Variants in CFAP299 observed in about 807,000 individuals in gnomAD.
CFAP299 encodes cilia- and flagella-associated protein 299.
A neutral mutation model predicts 27.0 loss-of-function variants in CFAP299; 21 were observed. The observed-to-expected ratio is 0.78, with a 90% confidence interval of 0.55 to 1.12. The LOEUF is 1.12. Among genes scored for constraint, CFAP299 ranks in the 50% most tolerant of loss-of-function variants. The probability of loss-of-function intolerance (pLI) is 0.00; values close to 1 mark genes in which losing one functional copy is unlikely to be tolerated. For missense variants in CFAP299, 310 were observed against 276.6 expected (o/e 1.12, Z -0.86); for synonymous variants, 104 against 98.1 (o/e 1.06, Z -0.36).
chr4:80,940,704 G>A (rs79101332), intron 4 of CFAP299, among the ~76,000 whole-genome samples: 6,731 of 152,072 alleles, frequency 0.044, 539 homozygotes, highest in African/African-American at 0.15. Context: ...AGTTACCTTC[G>A]TGAGTTTTTT....
intron 3 of CFAP299, among the ~76,000 whole-genome samples, chr4:80,800,644 T>C (rs1169449875): frequency 3.1e-5 from 3 of 97,558 alleles, no homozygotes; most frequent in African/African-American, 1.4e-4. Context: ...ATATATAATA[T>C]ATTAATATAT....
chr4:80,510,089 C>T (rs1420722943), intron 2 of CFAP299, among the ~76,000 whole-genome samples: 4 of 152,128 alleles, frequency 2.6e-5, no homozygotes, highest in Non-Finnish European at 4.4e-5. Context: ...CCTGACATTT[C>T]CATTTTGCAC....
intron 4 of CFAP299, among the ~76,000 whole-genome samples, chr4:80,877,000 T>G (rs1415832238): frequency 6.6e-6 from 1 of 152,178 alleles, no homozygotes; most frequent in Non-Finnish European, 1.5e-5. Flanking sequence ...AGGCTTTCAT[T>G]TTCAGTCACT....
rs145004901 is a variant in CFAP299, at chr4:80,576,023, C to T, written c.243-7070C>T. Among the ~76,000 whole-genome samples, 1,255 of 147,628 alleles carry T rather than the reference C, an allele frequency of 8.5e-3. 24 individuals are homozygous for T. The highest frequency in any genetic ancestry group is 0.03 in the African/African-American group (1,188 of 40,004). On this transcript the variant is annotated intron_variant, in intron 2 of 5. Coordinates refer to ENST00000358105, the MANE Select transcript of CFAP299 (RefSeq NM_152770.3). ...ACACAGGAAGGGGAACATCACAAAC[C>T]GGGGCCTGTTGTGGGGTAGGGGGAT...
chr4:80,917,672 G>A (rs1560476156), intron 4 of CFAP299, among the ~76,000 whole-genome samples: 2 of 152,030 alleles, frequency 1.3e-5, no homozygotes, highest in East Asian at 1.9e-4. Flanking sequence ...CCTTTCCATG[G>A]CACATTTCCC....
intron 3 of CFAP299, among the ~76,000 whole-genome samples, chr4:80,622,060 C>T (rs1462981084): frequency 1.3e-5 from 2 of 152,170 alleles, no homozygotes; most frequent in Non-Finnish European, 2.9e-5. Flanking sequence ...GGGGTCAGAT[C>T]ATACAGACTG....
intron 3 of CFAP299, among the ~76,000 whole-genome samples, chr4:80,727,555 C>T (rs1315237341): frequency 1.3e-5 from 2 of 152,130 alleles, no homozygotes; most frequent in East Asian, 1.9e-4. Flanking sequence ...TCTTGTGGAG[C>T]CATGGCCCTT....
intron 5 of CFAP299, among the ~76,000 whole-genome samples, chr4:80,958,736 C>A (rs775098532): frequency 5.3e-5 from 8 of 152,190 alleles, no homozygotes; most frequent in Non-Finnish European, 8.8e-5. Flanking sequence ...CAGCCCTCTG[C>A]TTTGGCCTAC....
intron 2 of CFAP299, among the ~76,000 whole-genome samples, chr4:80,567,731 T>TTTTA (rs1190269196): frequency 0.073 from 10,863 of 148,782 alleles, 478 homozygotes; most frequent in Middle Eastern, 0.18. Flanking sequence ...TCTAATGTAT[T>TTTTA]TATATATATA....
chr4:80,735,631 A>G (rs1447023107), intron 3 of CFAP299, among the ~76,000 whole-genome samples: 1 of 152,002 alleles, frequency 6.6e-6, no homozygotes, highest in African/African-American at 2.4e-5. Context: ...GTTTTTTAAG[A>G]GTTTCTTTCA....
At chr4:80,724,103 CAGTT>C (rs1723002894) in intron 3 of CFAP299, among the ~76,000 whole-genome samples, 1 of 151,986 alleles carries the variant, frequency 6.6e-6, no homozygotes, top group African/African-American at 2.4e-5. Flanking sequence ...TTGAATATGA[CAGTT>C]AGAAATGTCA....
intron 4 of CFAP299, among the ~76,000 whole-genome samples, chr4:80,903,819 A>T (rs1275328463): frequency 6.6e-6 from 1 of 152,144 alleles, no homozygotes; most frequent in Non-Finnish European, 1.5e-5. Context: ...CAGTAATGTA[A>T]CACATAGTCT....
At chr4:80,666,225 GCTTT>G (rs1421466693) in intron 3 of CFAP299, among the ~76,000 whole-genome samples, 1 of 152,078 alleles carries the variant, frequency 6.6e-6, no homozygotes, top group African/African-American at 2.4e-5. Context: ...CTCCATAGAA[GCTTT>G]CTGTTTCTCT....
At chr4:80,511,735 G>A (rs986922107) in intron 2 of CFAP299, among the ~76,000 whole-genome samples, 2 of 152,016 alleles carry the variant, frequency 1.3e-5, no homozygotes, top group African/African-American at 4.8e-5. Context: ...TGACCCCAGG[G>A]CCATCATATG....
At chr4:80,602,428 A>C (rs544555473) in intron 3 of CFAP299, among the ~76,000 whole-genome samples, 2 of 152,290 alleles carry the variant, frequency 1.3e-5, no homozygotes, top group South Asian at 2.1e-4. Flanking sequence ...GGAAGAGTCC[A>C]AAATATGTAT....
chr4:80,932,911 C>T (rs1736691879), intron 4 of CFAP299, among the ~76,000 whole-genome samples: 2 of 151,880 alleles, frequency 1.3e-5, no homozygotes, highest in Non-Finnish European at 2.9e-5. Flanking sequence ...TTTTTACAGG[C>T]TGGCTACACA....
intron 3 of CFAP299, among the ~76,000 whole-genome samples, chr4:80,857,072 T>G (rs79608906): frequency 6.6e-6 from 1 of 152,010 alleles, no homozygotes; most frequent in Admixed American, 6.6e-5. Context: ...TATCCTCTTT[T>G]ATTTCACTGA....
chr4:80,962,606 CA>C (rs1190459618), intron 5 of CFAP299, among the ~76,000 whole-genome samples: 1 of 151,584 alleles, frequency 6.6e-6, no homozygotes, highest in African/African-American at 2.4e-5. Context: ...CAATAAAAAG[CA>C]AAACTAACTT....
intron 4 of CFAP299, among the ~76,000 whole-genome samples, chr4:80,915,185 T>C (rs1211876907): frequency 6.6e-6 from 1 of 152,020 alleles, no homozygotes; most frequent in Non-Finnish European, 1.5e-5. Context: ...AGTTTTTAAA[T>C]TTTTTTCTCA....
Sources: allele counts gnomAD v4.1 joint callset (sites outside exome capture counted in the v4.1 genomes callset), GRCh38; gene constraint gnomAD v4.1.1; transcripts MANE v1.5; gene names NCBI Gene and HGNC (gene_info 2026-07-23, HGNC 2026-07-21).